The following CCDC57 variants were observed in gnomAD, a reference collection of about 807,000 sequenced individuals.
The protein encoded by CCDC57 is coiled-coil domain containing 57.
In CCDC57, 118 loss-of-function variants were observed where a neutral mutation model predicts 118.9. The ratio of observed to expected loss-of-function variants is 0.99; its 90% CI spans 0.86 to 1.16. CCDC57 has a LOEUF of 1.16. Among genes scored for constraint, CCDC57 ranks in the 50% most tolerant of loss-of-function variants. CCDC57 has a pLI of 0.00. For synonymous variants in CCDC57, 527 were observed against 532.9 expected, an observed-to-expected ratio of 0.99 and a Z score of 0.15; for missense variants, 1,300 against 1,320.7, an observed-to-expected ratio of 0.98 and a Z score of 0.24.
intron 16 of CCDC57, among the ~76,000 whole-genome samples, chr17:82,142,610 C>A (rs374345538): frequency 1.3e-5 from 2 of 152,128 alleles, no homozygotes; most frequent in South Asian, 2.1e-4. Context: ...CTATGCCCGG[C>A]CTAGCACTGA....
intron 3 of CCDC57, among the ~76,000 whole-genome samples, chr17:82,201,104 C>T (rs2048941583): frequency 1.3e-5 from 2 of 152,200 alleles, no homozygotes; most frequent in Admixed American, 1.3e-4. Context: ...GTTCCAGGGG[C>T]CCCACCACAG....
Position 82,212,343 on chromosome 17 carries a change from C to G in CCDC57, c.-211+442G>C, listed in dbSNP as rs1307101290. ...AAGCAATCTGCCCGCCTCTGCCTCC[C>G]AAAGTGCTGGATTACAGGCGCGAAC... is the stretch of plus-strand genomic sequence containing the variant. On this transcript the variant is annotated intron_variant, in intron 1 of 19. Coordinates refer to ENST00000665763, the Ensembl canonical transcript of CCDC57. The surrounding 1 kb of genome is among the most constrained non-coding windows in gnomAD (Gnocchi z 4.1). Among the ~76,000 whole-genome samples the G allele has an allele frequency of 1.3e-5, 1 of 76,360 alleles. No homozygotes were observed. The highest frequency in any genetic ancestry group is 2.3e-5 in the Non-Finnish European group (1 of 42,614). 50.1% of individuals were successfully genotyped at this position (76,360 alleles called of 152,430 possible).
chr17:82,202,448 CAAAAT>C (rs1396025750), intron 2 of CCDC57, among the ~76,000 whole-genome samples: 3 of 143,110 alleles, frequency 2.1e-5, no homozygotes, highest in Non-Finnish European at 4.6e-5. Context: ...TCTCTCAAAA[CAAAAT>C]AAACAAAAAA....
At chr17:82,143,749 T>TA (rs1026678052) in intron 16 of CCDC57, among the ~76,000 whole-genome samples, 9 of 151,926 alleles carry the variant, frequency 5.9e-5, no homozygotes, top group Admixed American at 3.9e-4. Context: ...AATCCACACT[T>TA]AGACACAACA....
chr17:82,110,232 C>T (rs1163724774), intron 19 of CCDC57, among the ~76,000 whole-genome samples: 2 of 152,068 alleles, frequency 1.3e-5, no homozygotes, highest in African/African-American at 2.4e-5. Flanking sequence ...CCACCCTCCT[C>T]GGCCTCCAAA....
chr17:82,144,598 G>A (rs1050068957), intron 16 of CCDC57, among the ~76,000 whole-genome samples: 2 of 152,112 alleles, frequency 1.3e-5, no homozygotes, highest in African/African-American at 4.8e-5. Context: ...ACAGGGAACC[G>A]AGGTCAAGGA....
intron 15 of CCDC57, chr17:82,156,466 G>C (rs7503040): frequency 6.6e-6 from 1 of 152,226 alleles, no homozygotes; most frequent in Non-Finnish European, 1.5e-5. Flanking sequence ...TCAGGTGGGT[G>C]GGAGATGTGT....
At position 82,141,754 on chromosome 17, in the gene CCDC57, C is replaced by T. The variant is rs75817767; in HGVS notation, c.2456-7560G>A. ...AAGCCTTGTTACAACATCCGACATCCGCACATTACCTGTCTGATGCCCGGG... is the reference window on the plus strand; with the variant it reads ...AAGCCTTGTTACAACATCCGACATCTGCACATTACCTGTCTGATGCCCGGG... On this transcript the variant is annotated intron_variant, in intron 16 of 19. Coordinates refer to ENST00000665763, the Ensembl canonical transcript of CCDC57. Among the ~76,000 whole-genome samples, 1,374 of 152,230 alleles carry T rather than the reference C, an allele frequency of 9.0e-3. 18 individuals are homozygous for T. Among genetic ancestry groups the T allele is most frequent in the African/African-American group, 0.032 (1,319 of 41,536 alleles).
At chr17:82,146,718 T>C (rs962998076) in intron 16 of CCDC57, among the ~76,000 whole-genome samples, 1 of 152,250 alleles carries the variant, frequency 6.6e-6, no homozygotes, top group Non-Finnish European at 1.5e-5. Context: ...TATGGATGTG[T>C]GCATGCATGC....
intron 13 of CCDC57, among the ~76,000 whole-genome samples, chr17:82,163,618 G>A (rs780281910): frequency 5.9e-5 from 9 of 152,178 alleles, no homozygotes; most frequent in Non-Finnish European, 1.2e-4. Context: ...CGTAATGTCT[G>A]ATAGAGACCA....
intron 14 of CCDC57, among the ~76,000 whole-genome samples, chr17:82,158,150 C>T (rs935509948): frequency 2.6e-5 from 4 of 152,230 alleles, no homozygotes; most frequent in African/African-American, 9.6e-5. Flanking sequence ...GCCCAGCTGG[C>T]CCTGGCAGTT....
At chr17:82,182,048 G>A (rs1658490688) in intron 9 of CCDC57, among the ~76,000 whole-genome samples, 1 of 152,072 alleles carries the variant, frequency 6.6e-6, no homozygotes, top group South Asian at 2.1e-4. Flanking sequence ...TACCCAGGAG[G>A]TGGAGGTTGT....
chr17:82,128,522 T>G (rs1414030337), exon 18 of CCDC57: 1 of 1,569,976 alleles, frequency 6.4e-7, no homozygotes, highest in Non-Finnish European at 8.6e-7. Flanking sequence ...TCAAGTCTGC[T>G]GCCCACCTGT....
rs1323940244 is a variant in CCDC57, at chr17:82,201,425, G to A, written c.407+113C>T. On this transcript the variant is annotated intron_variant, in intron 3 of 19. Coordinates refer to ENST00000665763, the Ensembl canonical transcript of CCDC57. ...CAGCTCCCGTGGCCTGGAATCAGCA[G>A]CGGGAGGAGGGGCAGTGAGAGTGGG... is the stretch of plus-strand genomic sequence containing the variant. The A allele has an allele frequency of 4.6e-6, 6 of 1,304,982 alleles. No homozygotes were observed. The East Asian group carries it at 1.3e-4, about 28-fold the overall frequency. The allele number at this position is 1,304,982 out of a possible 1,614,324, so 80.8% of individuals were successfully genotyped here. A position where few individuals can be genotyped will look rare whatever the true frequency, so the allele number is the denominator to read the frequency against.
chr17:82,198,873 G>C (rs1261571738), intron 3 of CCDC57, among the ~76,000 whole-genome samples: 1 of 151,582 alleles, frequency 6.6e-6, no homozygotes, highest in East Asian at 1.9e-4. Context: ...GGCGCCTGTA[G>C]TCCCAGCTAC....
At chr17:82,101,692 ATGT>A (rs748831845) in exon 20 of CCDC57, 6 of 1,606,036 alleles carry the variant, frequency 3.7e-6, no homozygotes, top group Admixed American at 3.4e-5. Flanking sequence ...TCAGTCCATA[ATGT>A]TGTAGTTACG....
intron 13 of CCDC57, 117 bp downstream of exon 12, chr17:82,171,584 G>A (rs747150293): frequency 1.6e-5 from 18 of 1,116,494 alleles, no homozygotes; most frequent in South Asian, 9.6e-5. Flanking sequence ...GCTGGATGAC[G>A]CCGCCCCAAC....
At chr17:82,116,472 C>T (rs972670795) in intron 19 of CCDC57, among the ~76,000 whole-genome samples, 2 of 152,134 alleles carry the variant, frequency 1.3e-5, no homozygotes, top group African/African-American at 4.8e-5. Context: ...TTCTCCTATG[C>T]AGTCTTCCCC....
chr17:82,173,092 A>G (rs2044980029), intron 11 of CCDC57, among the ~76,000 whole-genome samples: 1 of 152,078 alleles, frequency 6.6e-6, no homozygotes, highest in Admixed American at 6.6e-5. Context: ...TAGAGTGTCC[A>G]ATCCACAGAG....
Sources: gnomAD v4.1 joint callset for allele counts (sites outside exome capture counted in the v4.1 genomes callset) on GRCh38, gnomAD v4.1.1 for gene constraint, Gnocchi (gnomAD v3.1) non-coding constraint, MANE v1.5 for transcripts, NCBI Gene and HGNC (gene_info 2026-07-23, HGNC 2026-07-21) for gene names.